SEPTIN9: variants seen among roughly 807,000 people sequenced by gnomAD.
The protein encoded by SEPTIN9 is septin 9.
In SEPTIN9, 13 loss-of-function variants were observed where a neutral mutation model predicts 56.6. The observed-to-expected ratio is 0.23, with a 90% CI of 0.15 to 0.37. The LOEUF (loss-of-function observed/expected upper bound fraction) is 0.37. Among genes scored for constraint, SEPTIN9 ranks in the 10% least tolerant of loss-of-function variants. SEPTIN9 has a pLI of 1.00. For missense variants in SEPTIN9, 650 were observed against 823.1 expected (o/e 0.79, Z 2.57); for synonymous variants, 332 against 334.1 (o/e 0.99, Z 0.07).
intron 3 of SEPTIN9, among the ~76,000 whole-genome samples, chr17:77,418,995 C>CAAA (rs1206357237): frequency 1.6e-4 from 24 of 152,314 alleles, no homozygotes; most frequent in Admixed American, 1.4e-3. Context: ...GTTGCCCATA[C>CAAA]CCTGGCCTCC....
chr17:77,419,268 G>C (rs1196706033), intron 3 of SEPTIN9, among the ~76,000 whole-genome samples: 2 of 152,198 alleles, frequency 1.3e-5, no homozygotes, highest in Non-Finnish European at 2.9e-5. Flanking sequence ...GGTGTCGGCT[G>C]CCTCCTGGGC....
In SEPTIN9 at chr17:77,500,069, CTGAT is replaced by C; in HGVS notation, c.*1412_*1415del. 1 of 234,538 alleles carries C rather than the reference CTGAT, an allele frequency of 4.3e-6. No individual in the cohort carries two copies. Among genetic ancestry groups the C allele is most frequent in the Non-Finnish European group, 8.4e-6 (1 of 119,094 alleles). 14.5% of individuals were successfully genotyped at this position (234,538 alleles called of 1,614,324 possible). On this transcript the variant is annotated 3_prime_UTR_variant, in exon 12 of 12. Coordinates refer to ENST00000427177, the MANE Select transcript of SEPTIN9 (RefSeq NM_001113491.2). ...CTTGCTCCTGGGGAGAAAGAGGGGC[CTGAT>C]GAGACTCCACTCAGGTGCACACATC...
At chr17:77,480,338 C>T (rs2143186696) in intron 3 of SEPTIN9, among the ~76,000 whole-genome samples, 1 of 152,354 alleles carries the variant, frequency 6.6e-6, no homozygotes, top group East Asian at 1.9e-4. Context: ...TGCCTCAGGC[C>T]TGGGGAGCCT....
chr17:77,443,028 A>G (rs2037607568), intron 3 of SEPTIN9, among the ~76,000 whole-genome samples: 1 of 152,006 alleles, frequency 6.6e-6, no homozygotes, highest in Non-Finnish European at 1.5e-5. Flanking sequence ...TCTTCCAGGG[A>G]AGAGTCAGTT....
intron 2 of SEPTIN9, among the ~76,000 whole-genome samples, chr17:77,378,490 G>A (rs2035014711): frequency 6.6e-6 from 1 of 152,170 alleles, no homozygotes; most frequent in Non-Finnish European, 1.5e-5. Flanking sequence ...TGGGTGTCGC[G>A]GCTGGTGTGG....
chr17:77,325,624 C>A (rs1279754557), intron 2 of SEPTIN9, among the ~76,000 whole-genome samples: 1 of 152,234 alleles, frequency 6.6e-6, no homozygotes, highest in African/African-American at 2.4e-5. Flanking sequence ...GCTGCCCGGC[C>A]TGCGTGTGAG....
intron 3 of SEPTIN9, among the ~76,000 whole-genome samples, chr17:77,458,512 C>T (rs948394015): frequency 1.3e-5 from 2 of 152,216 alleles, no homozygotes; most frequent in Non-Finnish European, 2.9e-5. Context: ...TGGCCTCAGA[C>T]CTGCCATTCC....
chr17:77,388,393 G>T (rs2035413505), intron 2 of SEPTIN9, among the ~76,000 whole-genome samples: 1 of 152,106 alleles, frequency 6.6e-6, no homozygotes, highest in Non-Finnish European at 1.5e-5. Context: ...TTTTACCTGT[G>T]ACTCTTCTTT....
At position 77,476,506 on chromosome 17, in the gene SEPTIN9, G is replaced by A. The variant is rs565383270; in HGVS notation, c.722-5638G>A. On this transcript the variant is annotated intron_variant, in intron 3 of 11. Transcript: ENST00000427177. The surrounding 1 kb of genome is among the most constrained non-coding windows in gnomAD (Gnocchi z 6.0). ...CTGGCTCAGGGCTGCGTGGATTACA[G>A]CCCTTTCATCCCTGCCTTAGACCCA... Among the ~76,000 whole-genome samples, 1 of 152,322 alleles carries A rather than the reference G, an allele frequency of 6.6e-6. No homozygotes were observed. Among genetic ancestry groups the A allele is most frequent in the East Asian group, 1.9e-4 (1 of 5,186 alleles).
chr17:77,300,275 G>A (rs1450857883), intron 1 of SEPTIN9, among the ~76,000 whole-genome samples: 1 of 152,150 alleles, frequency 6.6e-6, no homozygotes, highest in African/African-American at 2.4e-5. Flanking sequence ...GCCTTCTACA[G>A]TGTTTATTCT....
chr17:77,461,403 T>C (rs537866244), intron 3 of SEPTIN9, among the ~76,000 whole-genome samples: 1 of 152,138 alleles, frequency 6.6e-6, no homozygotes, highest in Admixed American at 6.5e-5. Flanking sequence ...GCAGAGAAGG[T>C]ACCAGGCTGA....
intron 1 of SEPTIN9, chr17:77,288,122 A>G: frequency 9.4e-7 from 1 of 1,063,384 alleles, no homozygotes; most frequent in Non-Finnish European, 1.1e-6. Flanking sequence ...GCTGACTCCT[A>G]CCCCACCCCG....
At chr17:77,348,305 T>G (rs1294401819) in intron 2 of SEPTIN9, among the ~76,000 whole-genome samples, 2 of 144,984 alleles carry the variant, frequency 1.4e-5, no homozygotes, top group Admixed American at 6.9e-5. Context: ...TTTTTTTTTT[T>G]TTTTTTTTTT....
chr17:77,349,337 G>A (rs2033986165), intron 2 of SEPTIN9, among the ~76,000 whole-genome samples: 1 of 152,114 alleles, frequency 6.6e-6, no homozygotes, highest in African/African-American at 2.4e-5. Flanking sequence ...GGCTGGTCTC[G>A]AACTCCTGAC....
At chr17:77,345,944 GT>G (rs1568005467) in intron 2 of SEPTIN9, among the ~76,000 whole-genome samples, 1 of 149,166 alleles carries the variant, frequency 6.7e-6, no homozygotes, top group Non-Finnish European at 1.5e-5. Context: ...GTTTTGTTTT[GT>G]TTTGTTTTGT....
chr17:77,447,218 T>C (rs2037774886), intron 3 of SEPTIN9: 1 of 166,936 alleles, frequency 6.0e-6, no homozygotes, highest in Admixed American at 6.5e-5. Flanking sequence ...GCGTGTGGAG[T>C]GCGTAGGCCT....
intron 2 of SEPTIN9, among the ~76,000 whole-genome samples, chr17:77,361,167 A>G (rs943364120): frequency 7.2e-5 from 11 of 151,934 alleles, no homozygotes; most frequent in Admixed American, 2.0e-4. Flanking sequence ...AAGGTGATCC[A>G]CCCGCCTTGG....
chr17:77,433,062 A>T lies in SEPTIN9; in HGVS notation c.721+30359A>T, dbSNP rs575512428. ...TCCCGCTGTGCTCTCAGCTGCTCCGACAGGATGCTTTTGGCCTGAGAGACA... is the reference window on the plus strand; with the variant it reads ...TCCCGCTGTGCTCTCAGCTGCTCCGTCAGGATGCTTTTGGCCTGAGAGACA... On this transcript the variant is annotated intron_variant, in intron 3 of 11. Transcript: ENST00000427177. The surrounding 1 kb of genome is among the most constrained non-coding windows in gnomAD (Gnocchi z 6.4). 2.0e-4 allele frequency among the ~76,000 whole-genome samples: 30 copies of T among 152,114 alleles called. No individual in the cohort carries two copies. In the East Asian group the frequency reaches 4.1e-3, roughly 21 times the overall value.
intron 3 of SEPTIN9, among the ~76,000 whole-genome samples, chr17:77,404,268 A>G (rs2035993342): frequency 6.6e-6 from 1 of 152,112 alleles, no homozygotes; most frequent in Non-Finnish European, 1.5e-5. Flanking sequence ...TTTTTGAGAC[A>G]GGGTCTTGCT....
Sources: gnomAD v4.1 joint callset for allele counts (sites outside exome capture counted in the v4.1 genomes callset) on GRCh38, gnomAD v4.1.1 for gene constraint, Gnocchi (gnomAD v3.1) non-coding constraint, MANE v1.5 for transcripts, NCBI Gene and HGNC (gene_info 2026-07-23, HGNC 2026-07-21) for gene names.